The following CINP variants were observed in gnomAD, a reference collection of about 807,000 sequenced individuals.
The protein encoded by CINP is cyclin dependent kinase 2 interacting protein.
A neutral mutation model predicts 20.5 loss-of-function variants in CINP; 11 were observed. That is an observed-to-expected ratio of 0.54 (90% CI 0.34 to 0.89). The LOEUF is 0.89. Ranked by LOEUF, CINP falls within the 40% of genes least tolerant of loss-of-function variation. The pLI, the probability that CINP is intolerant of heterozygous loss-of-function variation, is 0.02. For missense variants in CINP, 213 were observed against 251.0 expected, an observed-to-expected ratio of 0.85 and a Z score of 1.02; for synonymous variants, 108 against 102.1, an observed-to-expected ratio of 1.06 and a Z score of -0.35.
rs764927652 is a variant in CINP, at chr14:102,359,526, A to T, written c.69T>A (p.Ile23=). Residue 23 remains isoleucine, a synonymous_variant, in exon 2 of 5, where the codon ATT becomes ATA. Coordinates refer to ENST00000216756, the MANE Select transcript of CINP (RefSeq NM_032630.3). ...TGTGCCAATCAGCCGCATTGTCCTT[A>T]ATTTTTCTTGCACTGACAGATAAGA... The part of the protein sequence containing the change: ...KPVLSVSARK[I]KDNAADWHNL... The T allele has an allele frequency of 1.2e-6, 2 of 1,613,238 alleles. No homozygotes were observed. Among genetic ancestry groups the T allele is most frequent in the Non-Finnish European group, 1.7e-6 (2 of 1,179,600 alleles).
chr14:102,362,624 A>C (rs1887192965), intron 1 of CINP: 1 of 714,834 alleles, frequency 1.4e-6, no homozygotes, highest in African/African-American at 1.7e-5. Context: ...CGTCCCGTTC[A>C]TCTGTCACTG....
intron 1 of CINP, 73 bp downstream of exon 1, chr14:102,362,772 C>T: frequency 6.3e-7 from 1 of 1,596,204 alleles, no homozygotes; most frequent in Non-Finnish European, 8.6e-7. Flanking sequence ...TCCTGAGCTT[C>T]TGGTCCAACC....
In CINP at chr14:102,348,504, T is replaced by C. The variant is rs973266483; in HGVS notation, c.*53A>G. 4 of 1,497,896 alleles carry C rather than the reference T, an allele frequency of 2.7e-6. No individual in the cohort carries two copies. Among genetic ancestry groups the C allele is most frequent in the South Asian group, 2.4e-5 (2 of 84,970 alleles). The allele number at this position is 1,497,896 out of a possible 1,614,324, so 92.8% of individuals were successfully genotyped here. A position where few individuals can be genotyped will look rare whatever the true frequency, so the allele number is the denominator to read the frequency against. On this transcript the variant is annotated 3_prime_UTR_variant, in exon 5 of 5. Transcript: ENST00000216756. ...CTGCGGCACTGGGTCCTAGGCAGAC[T>C]GTCTGCCTGGTGAGACGTGGAAGGA...
intron 2 of CINP, among the ~76,000 whole-genome samples, chr14:102,357,617 C>T (rs1056672200): frequency 1.3e-5 from 2 of 152,158 alleles, no homozygotes; most frequent in Non-Finnish European, 2.9e-5. Flanking sequence ...GCCTAATCCA[C>T]AGCAGGACCC....
chr14:102,361,362 G>A (rs764254071), intron 1 of CINP, among the ~76,000 whole-genome samples: 5 of 152,296 alleles, frequency 3.3e-5, no homozygotes, highest in East Asian at 1.9e-4. Flanking sequence ...AAGTTGGACC[G>A]AGGGCAGTGG....
chr14:102,353,414 C>T (rs543398212), intron 3 of CINP, among the ~76,000 whole-genome samples: 172 of 152,242 alleles, frequency 1.1e-3, no homozygotes, highest in African/African-American at 3.7e-3. Flanking sequence ...GTGGCTCACG[C>T]CTGGAATCCC....
At chr14:102,355,596 G>A (rs1227248447) in intron 3 of CINP, 172 bp downstream of exon 3, 2 of 635,284 alleles carry the variant, frequency 3.1e-6, no homozygotes, top group East Asian at 2.7e-5. Context: ...GGAGGAGTGA[G>A]TGTCTAAGAC....
intron 1 of CINP, among the ~76,000 whole-genome samples, chr14:102,361,456 A>G (rs187522202): frequency 2.0e-4 from 31 of 152,184 alleles, no homozygotes; most frequent in African/African-American, 5.8e-4. Context: ...TGGCTAACAC[A>G]GTGAAACCTC....
chr14:102,355,641 G>A, intron 3 of CINP, 127 bp downstream of exon 3: 1 of 1,036,802 alleles, frequency 9.6e-7, no homozygotes, highest in South Asian at 1.5e-5. Context: ...TACGCAGCAG[G>A]CAGAGGAAGA....
chr14:102,360,300 T>A (rs1458556203), intron 1 of CINP, among the ~76,000 whole-genome samples: 2 of 151,998 alleles, frequency 1.3e-5, no homozygotes, highest in Non-Finnish European at 2.9e-5. Flanking sequence ...ACGATGCCCA[T>A]CCTCCAAGAT....
intron 3 of CINP, among the ~76,000 whole-genome samples, chr14:102,355,005 T>C (rs1403291268): frequency 6.7e-6 from 1 of 148,468 alleles, no homozygotes; most frequent in Non-Finnish European, 1.5e-5. Flanking sequence ...GGAGGCGGAG[T>C]TTGCAGTGAG....
At chr14:102,358,942 C>T (rs542182382) in intron 2 of CINP, among the ~76,000 whole-genome samples, 2 of 151,994 alleles carry the variant, frequency 1.3e-5, no homozygotes, top group East Asian at 1.9e-4. Context: ...TAGCCAGGCA[C>T]GGTGGCTCAC....
At chr14:102,349,422 C>T (rs980851085) in intron 4 of CINP, among the ~76,000 whole-genome samples, 1 of 152,068 alleles carries the variant, frequency 6.6e-6, no homozygotes. Context: ...AATAGCTTAC[C>T]CTTGTCTTGA....
chr14:102,359,331 TA>T, intron 2 of CINP, 87 bp downstream of exon 2: 1 of 1,011,334 alleles, frequency 9.9e-7, no homozygotes, highest in Non-Finnish European at 1.4e-6. Flanking sequence ...TTTTTTTGCT[TA>T]ATATTTTATT....
intron 3 of CINP, chr14:102,352,654 C>G (rs1039233974): frequency 2.4e-6 from 1 of 422,014 alleles, no homozygotes; most frequent in Admixed American, 2.9e-5. Flanking sequence ...AACCACTTTT[C>G]TTTTTCTTTT....
chr14:102,356,620 C>T (rs1245768995), intron 2 of CINP, among the ~76,000 whole-genome samples: 2 of 152,162 alleles, frequency 1.3e-5, no homozygotes, highest in Non-Finnish European at 1.5e-5. Flanking sequence ...TGGCAACCCT[C>T]TGTATGTAGA....
intron 3 of CINP, 82 bp downstream of exon 3, chr14:102,355,686 G>A: frequency 6.6e-7 from 1 of 1,505,262 alleles, no homozygotes; most frequent in African/African-American, 1.4e-5. Context: ...AGTAAGTGAT[G>A]GCCAATGGTC....
chr14:102,362,661 A>G (rs984223970), intron 1 of CINP, 184 bp downstream of exon 1: 6 of 785,004 alleles, frequency 7.6e-6, no homozygotes, highest in African/African-American at 5.1e-5. Context: ...GAGGCTCGGC[A>G]AAACTGTCTC....
chr14:102,348,844 G>C, intron 4 of CINP, 85 bp from the exon 5 acceptor site: 2 of 1,280,524 alleles, frequency 1.6e-6, no homozygotes, highest in African/African-American at 1.5e-5. Context: ...AACAGCTCTT[G>C]ATTAAAAACC....
Sources: gnomAD v4.1 joint callset for allele counts (sites outside exome capture counted in the v4.1 genomes callset) on GRCh38, gnomAD v4.1.1 for gene constraint, MANE v1.5 for transcripts, NCBI Gene and HGNC (gene_info 2026-07-23, HGNC 2026-07-21) for gene names.